ANO7: variants seen among roughly 807,000 people sequenced by gnomAD.
The protein encoded by ANO7 is anoctamin-7.
In ANO7, 114 loss-of-function variants were observed where a neutral mutation model predicts 115.8. The observed-to-expected ratio is 0.98, with a 90% CI of 0.85 to 1.15. The LOEUF (loss-of-function observed/expected upper bound fraction) is 1.15. Ranked by LOEUF, ANO7 falls within the 50% of genes most tolerant of loss-of-function variation. The pLI, the probability that ANO7 is intolerant of heterozygous loss-of-function variation, is 0.00. For synonymous variants in ANO7, 550 were observed against 498.2 expected (o/e 1.10, Z -1.38); for missense variants, 1,302 against 1,201.2 (o/e 1.08, Z -1.24).
In ANO7 at chr2:241,224,158, T is replaced by C. The variant is rs559025433; in HGVS notation, c.*5T>C. The C allele has an allele frequency of 2.5e-6, 4 of 1,614,010 alleles. No individual in the cohort carries two copies. The Admixed American group carries it at 5.0e-5, about 20-fold the overall frequency. ...GCCAGCCAGCTGCAGCAGTGACGCC[T>C]GGAAGGACATCTGGTGGTCCTTAGG... On this transcript the variant is annotated 3_prime_UTR_variant, in exon 25 of 25. Transcript: ENST00000674324.
At chr2:241,211,983 G>C in intron 15 of ANO7, 111 bp from the exon 16 acceptor site, 1 of 721,036 alleles carries the variant, frequency 1.4e-6, no homozygotes, top group Non-Finnish European at 2.5e-6. Context: ...ATATCTGGAT[G>C]ATATGGCCTT....
chr2:241,190,206 G>T, intron 2 of ANO7, 35 bp downstream of exon 2: 1 of 1,530,746 alleles, frequency 6.5e-7, no homozygotes, highest in Non-Finnish European at 8.8e-7. Context: ...TGCGACTTGA[G>T]AGGTCCTCCC....
chr2:241,212,476 CA>C, intron 16 of ANO7, 95 bp from the exon 17 acceptor site: 1 of 1,330,350 alleles, frequency 7.5e-7, no homozygotes, highest in East Asian at 2.4e-5. Context: ...TCCTCCAGGG[CA>C]GGTGCAGCAG....
At position 241,191,282 on chromosome 2, in the gene ANO7, C is replaced by T. The variant is rs370351721; in HGVS notation, c.166+31C>T. The T allele has an allele frequency of 9.9e-6, 16 of 1,611,580 alleles. No individual in the cohort carries two copies. In the East Asian group the frequency reaches 2.0e-4, roughly 20 times the overall value. On this transcript the variant is annotated intron_variant, in intron 3 of 24. Transcript: ENST00000674324. ...CCCCTCCCAGCACCTGTACCACACC[C>T]GTGTTGGTCCTGAGGGTGGGGACAC...
chr2:241,219,473 GT>G (rs1052145606), intron 21 of ANO7, among the ~76,000 whole-genome samples: 1 of 151,164 alleles, frequency 6.6e-6, no homozygotes, highest in Non-Finnish European at 1.5e-5. Flanking sequence ...TGTTCTGGTT[GT>G]TTTTTTTATT....
chr2:241,210,643 C>G, intron 15 of ANO7, 73 bp downstream of exon 15: 1 of 1,235,640 alleles, frequency 8.1e-7, no homozygotes, highest in Non-Finnish European at 1.2e-6. Context: ...ACGTGACTTT[C>G]TCACTCACTG....
At chr2:241,236,777 GAA>G in the ANO7 span, 17 of 1,613,500 alleles carry the variant, frequency 1.1e-5, no homozygotes, top group East Asian at 1.6e-4. Context: ...GAACTAGAGA[GAA>G]AGGGGAAAAG....
At chr2:241,190,027 C>G (rs537939066) in intron 1 of ANO7, 30 bp from the exon 2 acceptor site, 30 of 1,537,430 alleles carry the variant, frequency 2.0e-5, no homozygotes, top group Admixed American at 3.9e-5. Context: ...CTCTCTGACC[C>G]CCATCCCCAC....
the ANO7 span, chr2:241,231,309 G>C: frequency 6.0e-6 from 1 of 167,274 alleles, no homozygotes; most frequent in Non-Finnish European, 1.3e-5. Flanking sequence ...GCTTGAACCC[G>C]GGAGGCGGAG....
intron 5 of ANO7, 115 bp downstream of exon 5, chr2:241,199,538 C>G: frequency 1.0e-6 from 1 of 991,178 alleles, no homozygotes; most frequent in South Asian, 1.4e-5. Flanking sequence ...GCCTCAGGGG[C>G]TCCTCCTACC....
chr2:241,201,839 G>GCTGA (rs10624390), intron 7 of ANO7, among the ~76,000 whole-genome samples: 125,237 of 151,850 alleles, frequency 0.82, 51,723 homozygotes, highest in East Asian at 0.91. Context: ...CCTGGACACA[G>GCTGA]CTGCCAGGCT....
At chr2:241,237,757 G>C in the ANO7 span, among the ~76,000 whole-genome samples, 2 of 152,200 alleles carry the variant, frequency 1.3e-5, no homozygotes, top group African/African-American at 4.8e-5. Flanking sequence ...GTTGAGAAAA[G>C]AAACTGGTGC....
At chr2:241,238,679 T>C in the ANO7 span, 1 of 1,581,590 alleles carries the variant, frequency 6.3e-7, no homozygotes, top group Non-Finnish European at 8.6e-7. The surrounding 1 kb of genome is among the most constrained non-coding windows in gnomAD (Gnocchi z 4.9). Flanking sequence ...GGGAATTTAA[T>C]TTGAACACTG....
chr2:241,209,306 G>C lies in ANO7; in HGVS notation c.1099G>C (p.Gly367Arg), dbSNP rs753977406. 1 of 1,560,894 alleles carries C rather than the reference G, an allele frequency of 6.4e-7. No individual in the cohort carries two copies. Among genetic ancestry groups the C allele is most frequent in the Non-Finnish European group, 8.7e-7 (1 of 1,153,294 alleles). Residue 367 changes from glycine (G) to arginine (R), a missense_variant, in exon 12 of 25, where the codon GGC (glycine) becomes CGC (arginine). Coordinates refer to ENST00000674324, the MANE Select transcript of ANO7 (RefSeq NM_001370694.2). ...ACAGGCCGGCCGGCTGTTCGACCAC[G>C]GCGGCACCGTGTTCTTCAGCTTGTT... ...LAQAGRLFDH[G>R]GTVFFSLFMA...
chr2:241,195,480 C>T (rs2068303544), intron 3 of ANO7, among the ~76,000 whole-genome samples: 1 of 152,208 alleles, frequency 6.6e-6, no homozygotes, highest in African/African-American at 2.4e-5. Flanking sequence ...TCCAGGCCTC[C>T]GTTCCCCACC....
chr2:241,223,874 T>C, intron 23 of ANO7, 31 bp from the exon 24 acceptor site: 1 of 1,613,850 alleles, frequency 6.2e-7, no homozygotes, highest in Non-Finnish European at 8.5e-7. Context: ...GTCACATCCC[T>C]CTTCCTCTTG....
intron 3 of ANO7, 132 bp from the exon 4 acceptor site, chr2:241,195,571 G>A (rs536865301): frequency 8.4e-6 from 7 of 831,066 alleles, no homozygotes; most frequent in Admixed American, 4.6e-5. Context: ...AGAGGGGATC[G>A]GGAAGGAACC....
intron 7 of ANO7, 50 bp downstream of exon 7, chr2:241,201,405 G>A (rs765814745): frequency 6.3e-7 from 1 of 1,584,804 alleles, no homozygotes. Context: ...CTGGCTCTGA[G>A]GATCCTGCCA....
chr2:241,219,564 TTTTC>T (rs1175940664), intron 21 of ANO7, among the ~76,000 whole-genome samples: 1 of 151,762 alleles, frequency 6.6e-6, no homozygotes, highest in Non-Finnish European at 1.5e-5. Flanking sequence ...GCATACATTC[TTTTC>T]TTTTTTCTTT....
Sources: allele counts gnomAD v4.1 joint callset (sites outside exome capture counted in the v4.1 genomes callset), GRCh38; gene constraint gnomAD v4.1.1; non-coding constraint Gnocchi (gnomAD v3.1); transcripts MANE v1.5; gene names NCBI Gene and HGNC (gene_info 2026-07-23, HGNC 2026-07-21).